The following REV3L variants were observed in gnomAD, a reference collection of about 807,000 sequenced individuals.
REV3L encodes the protein DNA polymerase zeta catalytic subunit.
Under a neutral mutation model 299.4 loss-of-function variants are expected in REV3L, and 69 were observed. That is an observed-to-expected ratio of 0.23 (90% CI 0.19 to 0.28). The LOEUF is 0.28. REV3L is among the 10% of genes least tolerant of loss of function. The pLI is 1.00. For missense variants in REV3L, 3,128 were observed against 3,693.8 expected (o/e 0.85, Z 3.97); for synonymous variants, 1,238 against 1,271.4 (o/e 0.97, Z 0.56).
At chr6:111,447,332 A>G (rs531737372) in intron 1 of REV3L, among the ~76,000 whole-genome samples, 3 of 152,314 alleles carry the variant, frequency 2.0e-5, no homozygotes, top group Admixed American at 6.5e-5. Context: ...CTATTAGAAA[A>G]CACTTACAGA....
chr6:111,363,822 AATGT>A (rs781317122), intron 16 of REV3L, 27 bp downstream of exon 16: 216 of 1,604,644 alleles, frequency 1.3e-4, no homozygotes, highest in Admixed American at 6.7e-4. Flanking sequence ...AACTGAACAC[AATGT>A]ATGTGTCCTT....
intron 21 of REV3L, among the ~76,000 whole-genome samples, chr6:111,340,304 T>C (rs1396589431): frequency 6.6e-6 from 1 of 152,190 alleles, no homozygotes; most frequent in African/African-American, 2.4e-5. Flanking sequence ...GAATGACAGA[T>C]AAAATCATGC....
At chr6:111,405,247 G>T (rs112394992) in intron 4 of REV3L, among the ~76,000 whole-genome samples, 5 of 151,842 alleles carry the variant, frequency 3.3e-5, no homozygotes, top group Non-Finnish European at 7.4e-5. Flanking sequence ...CTCTTTAAAC[G>T]GATATAAATT....
At chr6:111,423,740 T>C (rs1428449151) in intron 1 of REV3L, among the ~76,000 whole-genome samples, 1 of 152,012 alleles carries the variant, frequency 6.6e-6, no homozygotes, top group African/African-American at 2.4e-5. Context: ...GGAGAAAAGG[T>C]CAAGGATTTA....
intron 20 of REV3L, among the ~76,000 whole-genome samples, chr6:111,347,676 G>GT (rs1196400844): frequency 1.3e-5 from 2 of 152,122 alleles, no homozygotes; most frequent in African/African-American, 4.8e-5. Context: ...TTTATAGTAG[G>GT]TATCTTTGTT....
intron 25 of REV3L, among the ~76,000 whole-genome samples, chr6:111,324,853 G>C (rs1774569583): frequency 7.7e-6 from 1 of 129,514 alleles, no homozygotes; most frequent in South Asian, 2.7e-4. Flanking sequence ...CATGATTGGG[G>C]ATGCTCAAAA....
intron 18 of REV3L, among the ~76,000 whole-genome samples, chr6:111,352,140 G>C (rs1777634105): frequency 6.6e-6 from 1 of 151,888 alleles, no homozygotes; most frequent in African/African-American, 2.4e-5. Context: ...CTGAGTAGCT[G>C]GGATTACAGG....
intron 3 of REV3L, among the ~76,000 whole-genome samples, chr6:111,408,214 G>C (rs1783853875): frequency 6.6e-6 from 1 of 152,156 alleles, no homozygotes; most frequent in Admixed American, 6.6e-5. Context: ...GGAGAGAATG[G>C]ATGTAAATGC....
intron 2 of REV3L, among the ~76,000 whole-genome samples, chr6:111,412,922 C>A (rs903353904): frequency 1.3e-5 from 2 of 152,072 alleles, no homozygotes; most frequent in Admixed American, 6.6e-5. Flanking sequence ...TGGAAAGCTC[C>A]GCTCTGGACT....
At position 111,411,531 on chromosome 6, in the gene REV3L, T is replaced by C. The variant is rs1455084972; in HGVS notation, c.353A>G (p.Lys118Arg). The C allele has an allele frequency of 6.3e-7, 1 of 1,585,684 alleles. No individual in the cohort carries two copies. The highest frequency in any genetic ancestry group is 1.7e-5 in the Admixed American group (1 of 58,066). Reference protein sequence around the residue: ...SGMPFYGYHEKERHFMKIYLY... With the variant: ...SGMPFYGYHERERHFMKIYLY... ...ATAGATCTTCATAAAGTGTCTTTCC[T>C]TCTCATGATAACCATAAAAAGGCCT... is the stretch of plus-strand genomic sequence containing the variant. Residue 118 changes from lysine to arginine, a missense_variant, in exon 3 of 32, where the codon AAG (lysine) becomes AGG (arginine). Physicochemically the swap from Lys to Arg is conservative, Grantham distance 26. Transcript: ENST00000368802.
intron 31 of REV3L, among the ~76,000 whole-genome samples, chr6:111,304,054 A>G (rs1236613153): frequency 3.3e-5 from 5 of 152,088 alleles, no homozygotes; most frequent in Non-Finnish European, 7.4e-5. Context: ...ACACTTAAGA[A>G]GTATATTTTT....
At position 111,367,879 on chromosome 6, in the gene REV3L, C is replaced by A. The variant is rs3218606; in HGVS notation, c.5909G>T (p.Arg1970Leu). Residue 1970 changes from arginine (R) to leucine (L), a missense_variant, in exon 14 of 32, where the codon CGC becomes CTC. By Grantham distance (102) the Arg-to-Leu change is moderately radical. Transcript: ENST00000368802. Reference protein sequence around the residue: ...TQNPRPGSPLRSGQGVVNKGS... With the variant: ...TQNPRPGSPLLSGQGVVNKGS... The stretch of plus-strand genomic sequence containing the variant: ...TTTATTGACAACTCCTTGGCCACTG[C>A]GAAGGGGTGACCCTGGCCTTGGATT... 6.2e-7 allele frequency: 1 copy of A among 1,614,116 alleles called. No homozygotes were observed. Among genetic ancestry groups the A allele is most frequent in the South Asian group, 1.1e-5 (1 of 91,068 alleles).
chr6:111,357,142 A>C lies in REV3L; in HGVS notation c.7073-17T>G. The C allele has an allele frequency of 1.8e-6, 2 of 1,128,172 alleles. No homozygotes were observed. Among genetic ancestry groups the C allele is most frequent in the Non-Finnish European group, 2.6e-6 (2 of 779,226 alleles). The allele number at this position is 1,128,172 out of a possible 1,614,324, so 69.9% of individuals were successfully genotyped here. On this transcript the variant is annotated splice_polypyrimidine_tract_variant and intron_variant, in intron 17 of 31. Transcript: ENST00000368802. ...ATCTGATATCTAAAAAACAAACAAAATGTCTATTATATATAACATTATATA... is the reference window on the plus strand; with the variant it reads ...ATCTGATATCTAAAAAACAAACAAACTGTCTATTATATATAACATTATATA...
chr6:111,390,204 CAT>C (rs757356397), intron 5 of REV3L, 24 bp from the exon 6 acceptor site: 11 of 1,414,086 alleles, frequency 7.8e-6, no homozygotes, highest in South Asian at 3.5e-5. Context: ...ATATAAAAAA[CAT>C]AATAATTATG....
intron 4 of REV3L, among the ~76,000 whole-genome samples, chr6:111,394,237 A>G (rs1782236445): frequency 6.6e-6 from 1 of 152,162 alleles, no homozygotes; most frequent in African/African-American, 2.4e-5. Context: ...TAATGGCTGT[A>G]CTAATTTACA....
chr6:111,354,216 GTTC>G (rs1243702783), intron 18 of REV3L: 1 of 152,166 alleles, frequency 6.6e-6, no homozygotes, highest in Non-Finnish European at 1.5e-5. Context: ...TATAAAGACA[GTTC>G]TTCTAATTTC....
At chr6:111,330,292 C>T (rs1025532585) in intron 24 of REV3L, 6 of 454,680 alleles carry the variant, frequency 1.3e-5, no homozygotes, top group Non-Finnish European at 2.7e-5. Flanking sequence ...CCATCCCCTC[C>T]GGCCTACATT....
At chr6:111,454,424 C>G (rs1789933535) in intron 1 of REV3L, among the ~76,000 whole-genome samples, 1 of 151,832 alleles carries the variant, frequency 6.6e-6, no homozygotes, top group African/African-American at 2.4e-5. Flanking sequence ...CCATCTTAAC[C>G]CTTTTTGGGT....
At chr6:111,399,035 C>T (rs1233181840) in intron 4 of REV3L, among the ~76,000 whole-genome samples, 1 of 152,100 alleles carries the variant, frequency 6.6e-6, no homozygotes, top group East Asian at 1.9e-4. Flanking sequence ...GAAAAAAACC[C>T]TTCTGAGTAC....
Sources: allele counts gnomAD v4.1 joint callset (sites outside exome capture counted in the v4.1 genomes callset), GRCh38; gene constraint gnomAD v4.1.1; transcripts MANE v1.5; gene names NCBI Gene and HGNC (gene_info 2026-07-23, HGNC 2026-07-21).